CLEC5A: variants seen among roughly 807,000 people sequenced by gnomAD.
The protein encoded by CLEC5A is C-type lectin domain containing 5A, also known as C-type lectin domain family 5 member A.
CLEC5A carries 15 observed loss-of-function variants against 24.4 expected under a neutral mutation model. The ratio of observed to expected loss-of-function variants is 0.62; its 90% confidence interval spans 0.41 to 0.95. CLEC5A has a LOEUF of 0.95. Among genes scored for constraint, CLEC5A ranks in the 40% least tolerant of loss-of-function variants. The pLI, the probability that CLEC5A is intolerant of heterozygous loss-of-function variation, is 0.00. For missense variants in CLEC5A, 211 were observed against 224.0 expected (o/e 0.94, Z 0.37); for synonymous variants, 71 against 72.6 (o/e 0.98, Z 0.11).
chr7:141,945,333 C>T lies in CLEC5A; in HGVS notation c.139+8G>A. On this transcript the variant is annotated splice_region_variant and intron_variant, in intron 3 of 6. Transcript: ENST00000546910. ...GATGGGGAGAAGATTTACCACCATG[C>T]AGATTACCTGTTCCATAGCTCCTGG... is the stretch of plus-strand genomic sequence containing the variant. The T allele has an allele frequency of 1.3e-6, 2 of 1,599,150 alleles. No homozygotes were observed. The highest frequency in any genetic ancestry group is 1.7e-6 in the Non-Finnish European group (2 of 1,166,394).
At chr7:141,936,226 A>G in intron 4 of CLEC5A, 2 of 439,930 alleles carry the variant, frequency 4.5e-6, no homozygotes, top group East Asian at 9.6e-5. Context: ...CACACAAAAA[A>G]GCACATATAC....
At chr7:141,946,169 C>G in intron 2 of CLEC5A, 45 bp downstream of exon 2, 1 of 1,539,652 alleles carries the variant, frequency 6.5e-7, no homozygotes. Context: ...AGTCAATGAG[C>G]AAGACAACAT....
chr7:141,938,779 T>A (rs1554441361), intron 4 of CLEC5A, among the ~76,000 whole-genome samples: 2 of 152,108 alleles, frequency 1.3e-5, no homozygotes, highest in South Asian at 2.1e-4. Flanking sequence ...AGCTCCAATA[T>A]GTCTGGTAGC....
intron 4 of CLEC5A, among the ~76,000 whole-genome samples, chr7:141,937,669 A>G (rs936765185): frequency 6.6e-6 from 1 of 152,184 alleles, no homozygotes; most frequent in Non-Finnish European, 1.5e-5. Context: ...GCCCCAGGAC[A>G]TTGACAAAAC....
intron 5 of CLEC5A, among the ~76,000 whole-genome samples, chr7:141,935,556 C>G (rs1418824339): frequency 6.6e-6 from 1 of 152,162 alleles, no homozygotes; most frequent in Admixed American, 6.5e-5. Flanking sequence ...AGGATATCAG[C>G]TAATTACAGT....
Position 141,943,942 on chromosome 7 carries a change from A to G in CLEC5A, c.162T>C (p.Ser54=). 1 of 1,610,484 alleles carries G rather than the reference A, an allele frequency of 6.2e-7. No individual in the cohort carries two copies. Among genetic ancestry groups the G allele is most frequent in the Non-Finnish European group, 8.5e-7 (1 of 1,176,986 alleles). ...YGTVSQIFGS[S]SPSPNGFITT... is the part of the protein sequence containing the mutation. ...TAATGAAGCCGTTGGGACTTGGGGA[A>G]CTGCTCCCAAAAATCTGTGAGACTA... Residue 54 remains serine, a synonymous_variant, in exon 4 of 7, where the codon AGT becomes AGC. Coordinates refer to ENST00000546910, the MANE Select transcript of CLEC5A (RefSeq NM_013252.3).
chr7:141,933,279 A>C (rs1198250253), intron 5 of CLEC5A, among the ~76,000 whole-genome samples: 1 of 152,124 alleles, frequency 6.6e-6, no homozygotes, highest in Non-Finnish European at 1.5e-5. Flanking sequence ...GATGAATTTT[A>C]GGAGATAGCT....
chr7:141,931,975 A>G, intron 5 of CLEC5A, 149 bp from the exon 6 acceptor site: 1 of 484,166 alleles, frequency 2.1e-6, no homozygotes, highest in South Asian at 3.7e-5. Flanking sequence ...AACTAACCCT[A>G]AAGAAGTCAT....
At chr7:141,934,628 T>G (rs1201918178) in intron 5 of CLEC5A, among the ~76,000 whole-genome samples, 1 of 131,244 alleles carries the variant, frequency 7.6e-6, no homozygotes, top group Non-Finnish European at 1.6e-5. Context: ...TTTTTTTTTT[T>G]TTTTTTTTTT....
At chr7:141,938,425 C>T (rs1802692483) in intron 4 of CLEC5A, among the ~76,000 whole-genome samples, 1 of 151,656 alleles carries the variant, frequency 6.6e-6, no homozygotes, top group Non-Finnish European at 1.5e-5. Flanking sequence ...AGAGGGGTCA[C>T]AGAAGTCAGA....
At chr7:141,945,985 C>A in intron 2 of CLEC5A, 1 of 510,674 alleles carries the variant, frequency 2.0e-6, no homozygotes, top group African/African-American at 1.9e-5. Context: ...GGCGTTCTAA[C>A]CATCAGAAAC....
intron 4 of CLEC5A, among the ~76,000 whole-genome samples, chr7:141,942,753 A>T (rs1285969): frequency 0.088 from 13,462 of 152,206 alleles, 880 homozygotes; most frequent in Non-Finnish European, 0.14. Flanking sequence ...TAATCTAGTT[A>T]AAAATGGGCA....
chr7:141,942,434 G>A (rs1178477594), intron 4 of CLEC5A, among the ~76,000 whole-genome samples: 2 of 151,986 alleles, frequency 1.3e-5, no homozygotes, highest in Non-Finnish European at 2.9e-5. Context: ...AATCAAAATG[G>A]ATTAAAGACT....
chr7:141,931,018 A>T (rs556642296), intron 6 of CLEC5A, among the ~76,000 whole-genome samples: 18 of 152,260 alleles, frequency 1.2e-4, no homozygotes, highest in African/African-American at 4.3e-4. Flanking sequence ...TTTTGTATAA[A>T]CACTGGGAAG....
intron 5 of CLEC5A, 113 bp downstream of exon 5, chr7:141,935,701 A>G (rs553964570): frequency 1.1e-6 from 1 of 927,566 alleles, no homozygotes; most frequent in Non-Finnish European, 1.7e-6. Context: ...TCAGCCAGCC[A>G]CCTCTCCATT....
intron 4 of CLEC5A, among the ~76,000 whole-genome samples, chr7:141,939,824 T>C (rs1476589366): frequency 6.6e-6 from 1 of 151,958 alleles, no homozygotes. Context: ...AGACAAAAAC[T>C]GTAAGAAGAC....
chr7:141,932,567 C>T (rs1554440528), intron 5 of CLEC5A, among the ~76,000 whole-genome samples: 1 of 152,190 alleles, frequency 6.6e-6, no homozygotes, highest in Non-Finnish European at 1.5e-5. Flanking sequence ...TCAATGTTCT[C>T]CTTTTCTGAA....
intron 4 of CLEC5A, among the ~76,000 whole-genome samples, chr7:141,942,200 C>T (rs1221636975): frequency 6.6e-6 from 1 of 152,022 alleles, no homozygotes; most frequent in Admixed American, 6.6e-5. Flanking sequence ...GCTTTAGTTA[C>T]CAAAATGCCA....
rs551116468 is a variant in CLEC5A, at chr7:141,929,273, A to G, written c.*831T>C. On this transcript the variant is annotated 3_prime_UTR_variant, in exon 7 of 7. Coordinates refer to ENST00000546910, the MANE Select transcript of CLEC5A (RefSeq NM_013252.3). ...TATTGTGATTATTGTTGCCTAAGAGACTATCCAAAATTTTAAAAATACTCA... is the reference window on the plus strand; with the variant it reads ...TATTGTGATTATTGTTGCCTAAGAGGCTATCCAAAATTTTAAAAATACTCA... 11 of 152,302 alleles carry G rather than the reference A, an allele frequency of 7.2e-5. No homozygotes were observed. Among genetic ancestry groups the G allele is most frequent in the Middle Eastern group, 6.8e-3 (2 of 294 alleles). The allele number at this position is 152,302 out of a possible 1,614,324, so 9.4% of individuals were successfully genotyped here. A position where few individuals can be genotyped will look rare whatever the true frequency, so the allele number is the denominator to read the frequency against.
Sources: allele counts gnomAD v4.1 joint callset (sites outside exome capture counted in the v4.1 genomes callset), GRCh38; gene constraint gnomAD v4.1.1; transcripts MANE v1.5; gene names NCBI Gene and HGNC (gene_info 2026-07-23, HGNC 2026-07-21).